THADA: variants seen among roughly 807,000 people sequenced by gnomAD.
THADA encodes THADA armadillo repeat containing.
THADA carries 213 observed loss-of-function variants against 219.8 expected under a neutral mutation model. The observed-to-expected ratio is 0.97, with a 90% CI of 0.87 to 1.09. THADA has a LOEUF of 1.09. Among genes scored for constraint, THADA ranks in the 50% least tolerant of loss-of-function variants. The pLI, the probability that THADA is intolerant of heterozygous loss-of-function variation, is 0.00. For synonymous variants in THADA, 1,018 were observed against 828.9 expected, an observed-to-expected ratio of 1.23 and a Z score of -3.92; for missense variants, 2,956 against 2,311.3, an observed-to-expected ratio of 1.28 and a Z score of -5.72.
intron 34 of THADA, 34 bp from the exon 35 acceptor site, chr2:43,287,095 G>A (rs1674124145): frequency 6.3e-7 from 1 of 1,582,854 alleles, no homozygotes; most frequent in Non-Finnish European, 8.6e-7. Context: ...CAGTAGTTCA[G>A]AAGATGCAAC....
intron 26 of THADA, among the ~76,000 whole-genome samples, chr2:43,449,505 C>T (rs1027339985): frequency 2.0e-5 from 3 of 152,000 alleles, no homozygotes; most frequent in African/African-American, 7.3e-5. Context: ...TAAAAAAGAC[C>T]CACACACATT....
chr2:43,289,902 C>A (rs1674485249), intron 34 of THADA, among the ~76,000 whole-genome samples: 1 of 151,900 alleles, frequency 6.6e-6, no homozygotes, highest in South Asian at 2.1e-4. Flanking sequence ...GATCCGCCCG[C>A]CTCAGCCTCC....
Position 43,592,052 on chromosome 2 carries a change from TA to T in THADA, c.77-7del. The T allele has an allele frequency of 6.5e-7, 1 of 1,533,228 alleles. No individual in the cohort carries two copies. The highest frequency in any genetic ancestry group is 2.2e-5 in the Admixed American group (1 of 45,270). 95.0% of individuals were successfully genotyped at this position (1,533,228 alleles called of 1,614,324 possible). ...CCCTTCCACATCAGCAAAAGCTATA[TA>T]ACATATACAAAAAAAAATTTTCAAT... On this transcript the variant is annotated splice_polypyrimidine_tract_variant and splice_region_variant and intron_variant, in intron 2 of 37. Coordinates refer to ENST00000405975, the MANE Select transcript of THADA (RefSeq NM_022065.5).
At chr2:43,408,038 T>C (rs1675797850) in intron 28 of THADA, among the ~76,000 whole-genome samples, 2 of 152,242 alleles carry the variant, frequency 1.3e-5, no homozygotes, top group African/African-American at 2.4e-5. Context: ...GTAGTCTAAA[T>C]ATGTTTCCTA....
intron 28 of THADA, among the ~76,000 whole-genome samples, chr2:43,408,999 C>A (rs924484170): frequency 2.6e-5 from 4 of 152,150 alleles, no homozygotes; most frequent in African/African-American, 9.7e-5. Context: ...GGAATCCCAT[C>A]ATGAAAGCAC....
intron 20 of THADA, among the ~76,000 whole-genome samples, chr2:43,542,433 G>A (rs1426806706): frequency 6.6e-6 from 1 of 152,150 alleles, no homozygotes; most frequent in African/African-American, 2.4e-5. Context: ...AAAAATTTAA[G>A]TGTGGAGATA....
intron 36 of THADA, among the ~76,000 whole-genome samples, chr2:43,245,102 T>C (rs1668998436): frequency 6.6e-6 from 1 of 150,948 alleles, no homozygotes. Flanking sequence ...AACTTCTCTT[T>C]TTCCTTTCCT....
chr2:43,365,349 T>C (rs1257953537), intron 29 of THADA, among the ~76,000 whole-genome samples: 2 of 151,940 alleles, frequency 1.3e-5, no homozygotes, highest in Non-Finnish European at 2.9e-5. Context: ...GGCAGGCAGA[T>C]CACTTGAGGT....
intron 10 of THADA, among the ~76,000 whole-genome samples, chr2:43,576,036 G>A (rs532047243): frequency 2.6e-5 from 4 of 152,166 alleles, no homozygotes; most frequent in African/African-American, 9.6e-5. Flanking sequence ...TACACATGTA[G>A]AAACTTTTAT....
intron 11 of THADA, 39 bp downstream of exon 11, chr2:43,574,297 T>C (rs765443414): frequency 7.2e-7 from 1 of 1,385,370 alleles, no homozygotes; most frequent in Non-Finnish European, 9.7e-7. Flanking sequence ...TTAAGCATCA[T>C]AATTAGAAAC....
chr2:43,340,688 G>A (rs1666969060), intron 30 of THADA, among the ~76,000 whole-genome samples: 1 of 152,078 alleles, frequency 6.6e-6, no homozygotes, highest in African/African-American at 2.4e-5. Flanking sequence ...ATCCTTAGTA[G>A]ACTCAAAGGA....
chr2:43,525,186 T>C (rs986728120), intron 22 of THADA, among the ~76,000 whole-genome samples: 1 of 152,236 alleles, frequency 6.6e-6, no homozygotes, highest in Admixed American at 6.5e-5. Flanking sequence ...CAACCCCATT[T>C]GTCTGGTGAC....
At chr2:43,361,287 A>G (rs556176237) in intron 29 of THADA, among the ~76,000 whole-genome samples, 59 of 152,362 alleles carry the variant, frequency 3.9e-4, no homozygotes, top group African/African-American at 1.4e-3. Flanking sequence ...TATAAAATAA[A>G]GCTAATAATA....
intron 21 of THADA, chr2:43,538,657 T>C (rs1694912643): frequency 1.3e-5 from 2 of 152,202 alleles, no homozygotes; most frequent in African/African-American, 4.8e-5. Flanking sequence ...GAACACAGGC[T>C]GGCAAGGAGA....
At chr2:43,451,684 GATATAT>G (rs1259227240) in intron 26 of THADA, among the ~76,000 whole-genome samples, 1 of 152,124 alleles carries the variant, frequency 6.6e-6, no homozygotes. Context: ...TGACTCTAAA[GATATAT>G]ACAAGATTAC....
intron 29 of THADA, among the ~76,000 whole-genome samples, chr2:43,347,599 T>C (rs1365236100): frequency 2.6e-5 from 4 of 152,112 alleles, no homozygotes; most frequent in African/African-American, 4.8e-5. Context: ...TTGTAACAAA[T>C]GCACCACATA....
chr2:43,537,488 T>C (rs1260378215), intron 21 of THADA, among the ~76,000 whole-genome samples: 1 of 152,218 alleles, frequency 6.6e-6, no homozygotes, highest in Non-Finnish European at 1.5e-5. Context: ...TGAAATTATT[T>C]GTAATTTCTA....
At chr2:43,302,194 C>G (rs1400939800) in intron 31 of THADA, among the ~76,000 whole-genome samples, 2 of 152,052 alleles carry the variant, frequency 1.3e-5, no homozygotes, top group Non-Finnish European at 2.9e-5. Context: ...TACTTGCAAC[C>G]TCAACTTTGA....
chr2:43,539,002 T>A (rs910040781), intron 21 of THADA, among the ~76,000 whole-genome samples: 2 of 152,238 alleles, frequency 1.3e-5, no homozygotes, highest in African/African-American at 4.8e-5. Context: ...ATTCAAGTCA[T>A]CAAATTTCAA....
Sources: allele counts gnomAD v4.1 joint callset (sites outside exome capture counted in the v4.1 genomes callset), GRCh38; gene constraint gnomAD v4.1.1; transcripts MANE v1.5; gene names NCBI Gene and HGNC (gene_info 2026-07-23, HGNC 2026-07-21).